The following MLLT1 variants were observed in gnomAD, a reference collection of about 807,000 sequenced individuals.
MLLT1 encodes MLLT1 super elongation complex subunit.
In MLLT1, 11 loss-of-function variants were observed where a neutral mutation model predicts 55.1. The observed-to-expected ratio is 0.20, with a 90% CI of 0.13 to 0.33. MLLT1 has a LOEUF of 0.33. MLLT1 is among the 10% of genes least tolerant of loss of function. The pLI is 1.00. For synonymous variants in MLLT1, 323 were observed against 320.1 expected, an observed-to-expected ratio of 1.01 and a Z score of -0.10; for missense variants, 536 against 760.6, an observed-to-expected ratio of 0.70 and a Z score of 3.47.
chr19:6,216,362 C>G, intron 8 of MLLT1, 43 bp downstream of exon 8: 2 of 1,463,032 alleles, frequency 1.4e-6, no homozygotes, highest in Non-Finnish European at 1.9e-6. Context: ...CGGAGTCGCC[C>G]CGGGTGGCCG....
Position 6,270,796 on chromosome 19 carries a change from A to G in MLLT1, c.13-37T>C. ...AGAGGTGGGGAGATGAAGTCAGCAC[A>G]CGCCTCCAAGCAGGGGACTGTCCCC... On this transcript the variant is annotated intron_variant, in intron 1 of 11. Coordinates refer to ENST00000252674, the MANE Select transcript of MLLT1 (RefSeq NM_005934.4). The surrounding 1 kb of genome is among the most constrained non-coding windows in gnomAD (Gnocchi z 7.1). The G allele has an allele frequency of 1.9e-6, 3 of 1,565,898 alleles. No homozygotes were observed. Among genetic ancestry groups the G allele is most frequent in the Non-Finnish European group, 2.6e-6 (3 of 1,151,518 alleles).
chr19:6,276,799 G>A (rs906238470), intron 1 of MLLT1, among the ~76,000 whole-genome samples: 21 of 152,184 alleles, frequency 1.4e-4, no homozygotes, highest in African/African-American at 4.8e-4. Context: ...GGGGCGGAGG[G>A]GGAATCAAAC....
intron 5 of MLLT1, among the ~76,000 whole-genome samples, chr19:6,225,943 G>C (rs2090952611): frequency 1.3e-5 from 2 of 152,260 alleles, no homozygotes; most frequent in African/African-American, 2.4e-5. Context: ...GGGAGAGATA[G>C]GCCAGGAGGC....
rs536396636 is a variant in MLLT1 at position 6,231,422 on chromosome 19, C to T, written c.277-709G>A. Among the ~76,000 whole-genome samples the T allele has an allele frequency of 6.6e-6, 1 of 152,268 alleles. No homozygotes were observed. The highest frequency in any genetic ancestry group is 2.1e-4 in the South Asian group (1 of 4,830). ...GCCAGGAGGGCTCAGGGCAGGCAGG[C>T]TTGCAGGAAGGAGCTGTCTGCACGG... On this transcript the variant is annotated intron_variant, in intron 3 of 11. Coordinates refer to ENST00000252674, the MANE Select transcript of MLLT1 (RefSeq NM_005934.4). The surrounding 1 kb of genome is among the most constrained non-coding windows in gnomAD (Gnocchi z 5.1).
At chr19:6,233,379 C>G (rs1267182101) in intron 3 of MLLT1, among the ~76,000 whole-genome samples, 1 of 152,238 alleles carries the variant, frequency 6.6e-6, no homozygotes, top group East Asian at 1.9e-4. Context: ...GATCCAAGGC[C>G]AGCGGGTGTG....
rs2090758475 is a variant in MLLT1, at chr19:6,210,689, C to T, written c.*2353G>A. The T allele has an allele frequency of 8.7e-6, 2 of 229,508 alleles. No homozygotes were observed. The highest frequency in any genetic ancestry group is 1.8e-4 in the South Asian group (1 of 5,500). The allele number at this position is 229,508 out of a possible 1,614,324, so 14.2% of individuals were successfully genotyped here. A position where few individuals can be genotyped will look rare whatever the true frequency, so the allele number is the denominator to read the frequency against. ...AGAGATTTGCACTGGGGGCAGGCGG[C>T]TTAACAGGAAACACGTGGCAATCAC... On this transcript the variant is annotated 3_prime_UTR_variant, in exon 12 of 12. Coordinates refer to ENST00000252674, the MANE Select transcript of MLLT1 (RefSeq NM_005934.4). This position sits in a 1 kb window ranked among gnomAD's most constrained non-coding sequence, Gnocchi z 4.6.
Position 6,227,070 on chromosome 19 carries a change from C to T in MLLT1, c.453G>A (p.Val151=), listed in dbSNP as rs1390560689. ...VMVMPEGADT[V]SRPSPDYPML... Reference sequence around the variant, plus strand: ...TGGGGTAGTCGGGACTGGGCCTGGACACCGTGTCTGCTCCTTCGGGCATTA... The same window carrying T: ...TGGGGTAGTCGGGACTGGGCCTGGATACCGTGTCTGCTCCTTCGGGCATTA... Residue 151 remains valine, a synonymous_variant, in exon 5 of 12, where the codon GTG becomes GTA. Transcript: ENST00000252674. The surrounding 1 kb of genome is among the most constrained non-coding windows in gnomAD (Gnocchi z 5.1). The T allele has an allele frequency of 3.1e-6, 5 of 1,604,410 alleles. No individual in the cohort carries two copies. The African/African-American group carries it at 5.4e-5, about 17-fold the overall frequency.
rs937805677 is a variant in MLLT1 at position 6,226,702 on chromosome 19, G to A, written c.546+275C>T. ...AGGGCTTCAGGCCGAGCAGTCCTGG[G>A]GCCCTGCCATCACTTGGCAGAACGG... On this transcript the variant is annotated intron_variant, in intron 5 of 11. Transcript: ENST00000252674. The surrounding 1 kb of genome is among the most constrained non-coding windows in gnomAD (Gnocchi z 6.3). Among the ~76,000 whole-genome samples the A allele has an allele frequency of 2.6e-5, 4 of 152,268 alleles. 1 individual carries two copies. In the South Asian group the frequency reaches 8.3e-4, roughly 32 times the overall value.
chr19:6,214,218 A>G (rs1004782159), intron 8 of MLLT1, among the ~76,000 whole-genome samples, 180 bp from the exon 9 acceptor site: 2 of 151,902 alleles, frequency 1.3e-5, no homozygotes, highest in African/African-American at 4.8e-5. Context: ...CACCAAGAGG[A>G]AAGAACCCCA....
Position 6,247,876 on chromosome 19 carries a change from T to TTTTGTTTGTTTG in MLLT1, c.276+14340_276+14351dup, listed in dbSNP as rs141160792. 1.4e-3 allele frequency among the ~76,000 whole-genome samples: 213 copies of TTTTGTTTGTTTG among 147,452 alleles called. 1 individual carries two copies. The highest frequency in any genetic ancestry group is 5.4e-3 in the African/African-American group (206 of 38,036). On this transcript the variant is annotated intron_variant, in intron 3 of 11. Transcript: ENST00000252674. ...TTTCAGATTTTGGAGCATTTTGGTG[T>TTTTGTTTGTTTG]TTTGTTTGTTTGTTTGTTTGTTTGT...
chr19:6,245,174 C>T (rs1027599903), intron 3 of MLLT1, among the ~76,000 whole-genome samples: 2 of 150,902 alleles, frequency 1.3e-5, no homozygotes, highest in Non-Finnish European at 3.0e-5. Context: ...GACTCTCTAA[C>T]AAAAAAAAAT....
In MLLT1 at chr19:6,231,382, G is replaced by A. The variant is rs2091008606; in HGVS notation, c.277-669C>T. Among the ~76,000 whole-genome samples, 1 of 152,162 alleles carries A rather than the reference G, an allele frequency of 6.6e-6. No homozygotes were observed. The highest frequency in any genetic ancestry group is 1.5e-5 in the Non-Finnish European group (1 of 68,030). On this transcript the variant is annotated intron_variant, in intron 3 of 11. Transcript: ENST00000252674. The surrounding 1 kb of genome is among the most constrained non-coding windows in gnomAD (Gnocchi z 5.1). ...AAAAGGGCTGTGAGTGAGGGGCTGT[G>A]ATGAATACAGAAAGGCCAGGAGGGC...
rs773063551 is a variant in MLLT1, at chr19:6,212,511, C to T, written c.*531G>A. The T allele has an allele frequency of 7.0e-5, 75 of 1,078,410 alleles. No individual in the cohort carries two copies. The highest frequency in any genetic ancestry group is 7.9e-5 in the Non-Finnish European group (70 of 888,574). 66.8% of individuals were successfully genotyped at this position (1,078,410 alleles called of 1,614,324 possible). A position where few individuals can be genotyped will look rare whatever the true frequency, so the allele number is the denominator to read the frequency against. On this transcript the variant is annotated 3_prime_UTR_variant, in exon 12 of 12. Transcript: ENST00000252674. ...ATATATAATAGAGAGAACTATACAGCACAGACCCCAGCGCAGCGCGAGCCG... is the reference window on the plus strand; with the variant it reads ...ATATATAATAGAGAGAACTATACAGTACAGACCCCAGCGCAGCGCGAGCCG...
At chr19:6,251,156 TG>T (rs1307882168) in intron 3 of MLLT1, among the ~76,000 whole-genome samples, 1 of 152,166 alleles carries the variant, frequency 6.6e-6, no homozygotes, top group Non-Finnish European at 1.5e-5. Flanking sequence ...GAAACTGCTC[TG>T]GAACTAGAAG....
At chr19:6,271,137 G>A (rs1285934716) in intron 1 of MLLT1, among the ~76,000 whole-genome samples, 2 of 152,050 alleles carry the variant, frequency 1.3e-5, no homozygotes, top group African/African-American at 4.8e-5. Flanking sequence ...CTCTCAGCTT[G>A]ACTGTCCCTC....
At chr19:6,278,789 T>C (rs1488380283) in intron 1 of MLLT1, among the ~76,000 whole-genome samples, 1 of 152,128 alleles carries the variant, frequency 6.6e-6, no homozygotes, top group Non-Finnish European at 1.5e-5. Context: ...CTCCTGGTCC[T>C]GGTCTCAGAG....
intron 3 of MLLT1, among the ~76,000 whole-genome samples, chr19:6,251,362 T>C (rs2091212663): frequency 6.6e-6 from 1 of 152,198 alleles, no homozygotes; most frequent in African/African-American, 2.4e-5. Context: ...GCTAGCCCCC[T>C]CTGGAATGAA....
At chr19:6,265,501 T>A (rs1013110861) in intron 2 of MLLT1, among the ~76,000 whole-genome samples, 1 of 152,006 alleles carries the variant, frequency 6.6e-6, no homozygotes, top group African/African-American at 2.4e-5. Context: ...AGAAACCCCA[T>A]CTCTAATAAA....
intron 3 of MLLT1, among the ~76,000 whole-genome samples, chr19:6,239,126 C>A (rs1207711036): frequency 1.3e-5 from 2 of 152,242 alleles, no homozygotes; most frequent in Non-Finnish European, 2.9e-5. Flanking sequence ...TCCACAGAGC[C>A]CTGCCCCTCC....
Sources: gnomAD v4.1 joint callset for allele counts (sites outside exome capture counted in the v4.1 genomes callset) on GRCh38, gnomAD v4.1.1 for gene constraint, Gnocchi (gnomAD v3.1) non-coding constraint, MANE v1.5 for transcripts, NCBI Gene and HGNC (gene_info 2026-07-23, HGNC 2026-07-21) for gene names.